Variants in LRPAP1 observed in about 807,000 individuals in gnomAD.
LRPAP1 encodes LDL receptor related protein associated protein 1.
Under a neutral mutation model 39.9 loss-of-function variants are expected in LRPAP1, and 41 were observed. That is an observed-to-expected ratio of 1.03 (90% CI 0.80 to 1.33). LRPAP1 has a LOEUF of 1.33. Among genes scored for constraint, LRPAP1 ranks in the 40% most tolerant of loss-of-function variants. LRPAP1 has a pLI of 0.00. For synonymous variants in LRPAP1, 263 were observed against 212.7 expected (o/e 1.24, Z -2.06); for missense variants, 565 against 482.3 (o/e 1.17, Z -1.61).
chr4:3,528,335 A>G (rs1730141808), intron 1 of LRPAP1, among the ~76,000 whole-genome samples: 1 of 152,188 alleles, frequency 6.6e-6, no homozygotes, highest in Non-Finnish European at 1.5e-5. Context: ...AGCAGAGCCG[A>G]CCGTGTCCTC....
In LRPAP1 at chr4:3,514,114, A is replaced by G. The variant is rs3789740; in HGVS notation, c.1011+638T>C. The stretch of plus-strand genomic sequence containing the variant: ...GCTCCTGCCCACGGGCAAGGGCCAC[A>G]GGCTGCTCTCCTGCACATTCTGCCA... On this transcript the variant is annotated intron_variant, in intron 7 of 7. Transcript: ENST00000650182. 5.3e-5 allele frequency among the ~76,000 whole-genome samples: 8 copies of G among 152,376 alleles called. No homozygotes were observed. In the East Asian group the frequency reaches 1.5e-3, roughly 29 times the overall value.
chr4:3,516,162 A>G lies in LRPAP1; in HGVS notation c.788T>C (p.Leu263Pro), dbSNP rs1015355987. 6.3e-7 allele frequency: 1 copy of G among 1,581,960 alleles called. No individual in the cohort carries two copies. The highest frequency in any genetic ancestry group is 1.3e-5 in the African/African-American group (1 of 74,676). Residue 263 changes from leucine (L) to proline (P), a missense_variant, in exon 6 of 8, where the codon CTG becomes CCG. Leu to Pro is a moderately conservative substitution (Grantham distance 98). Transcript: ENST00000650182. The part of the protein sequence containing the change: ...EEPRVIDLWD[L>P]AQSANLTDKE... ...GTCCGTGAGGTTGGCGGACTGCGCCAGGTCCCACAGGTCAATCACCCTGGG... is the reference window on the plus strand; with the variant it reads ...GTCCGTGAGGTTGGCGGACTGCGCCGGGTCCCACAGGTCAATCACCCTGGG...
chr4:3,523,386 C>T (rs1328776602), intron 2 of LRPAP1, among the ~76,000 whole-genome samples: 3 of 152,220 alleles, frequency 2.0e-5, no homozygotes, highest in South Asian at 2.1e-4. Context: ...TCCCTGCCGC[C>T]GTATCTTGGC....
In LRPAP1 at chr4:3,512,311, G is replaced by C. The variant is rs942788413; in HGVS notation, c.*663C>G. On this transcript the variant is annotated 3_prime_UTR_variant, in exon 8 of 8. Transcript: ENST00000650182. ...GGTCTCCCGAGGTCCCTGAGCTGCA[G>C]AGGTGAGAGTTGAAAGACGCTGCCC... The C allele has an allele frequency of 6.6e-6, 1 of 152,530 alleles. No homozygotes were observed. The highest frequency in any genetic ancestry group is 1.5e-5 in the Non-Finnish European group (1 of 68,256). The allele number at this position is 152,530 out of a possible 1,614,324, so 9.4% of individuals were successfully genotyped here.
chr4:3,532,168 C>T, intron 1 of LRPAP1, 41 bp downstream of exon 1: 1 of 1,543,264 alleles, frequency 6.5e-7, no homozygotes, highest in Non-Finnish European at 8.8e-7. Context: ...CCACGGCCCC[C>T]GCCCCCAGGC....
chr4:3,518,851 G>C lies in LRPAP1; in HGVS notation c.592+20C>G, dbSNP rs1243855352. ...GAGGGGGTGGGGCAGAGGGCAGGAGGGGGTGGGGGCGGGGGGCACCTTCGG... is the reference window on the plus strand; with the variant it reads ...GAGGGGGTGGGGCAGAGGGCAGGAGCGGGTGGGGGCGGGGGGCACCTTCGG... On this transcript the variant is annotated intron_variant, in intron 4 of 7. Coordinates refer to ENST00000650182, the MANE Select transcript of LRPAP1 (RefSeq NM_002337.4). The C allele has an allele frequency of 2.0e-6, 3 of 1,509,616 alleles. No individual in the cohort carries two copies. Among genetic ancestry groups the C allele is most frequent in the South Asian group, 1.2e-5 (1 of 81,304 alleles). The allele number at this position is 1,509,616 out of a possible 1,614,324, so 93.5% of individuals were successfully genotyped here. A position where few individuals can be genotyped will look rare whatever the true frequency, so the allele number is the denominator to read the frequency against.
intron 1 of LRPAP1, among the ~76,000 whole-genome samples, chr4:3,530,039 G>A (rs1239126681): frequency 1.3e-5 from 2 of 152,172 alleles, no homozygotes; most frequent in African/African-American, 2.4e-5. Context: ...CCAAGACCCC[G>A]TCTCCGTCTG....
chr4:3,508,652 T>C lies in LRPAP1; in HGVS notation c.*4322A>G, dbSNP rs1729423679. 6.6e-6 allele frequency: 1 copy of C among 152,096 alleles called. No homozygotes were observed. The highest frequency in any genetic ancestry group is 1.5e-5 in the Non-Finnish European group (1 of 68,034). 9.4% of individuals were successfully genotyped at this position (152,096 alleles called of 1,614,324 possible). Reference sequence around the variant, plus strand: ...GGAAATGCCAGGTCATCTTGGCATATGAAAGTCAGCGTAATTCACTACAGT... The same window carrying C: ...GGAAATGCCAGGTCATCTTGGCATACGAAAGTCAGCGTAATTCACTACAGT... On this transcript the variant is annotated 3_prime_UTR_variant, in exon 8 of 8. Coordinates refer to ENST00000650182, the MANE Select transcript of LRPAP1 (RefSeq NM_002337.4).
rs1454418436 is a variant in LRPAP1 at position 3,512,650 on chromosome 4, C to T, written c.*324G>A. On this transcript the variant is annotated 3_prime_UTR_variant, in exon 8 of 8. Coordinates refer to ENST00000650182, the MANE Select transcript of LRPAP1 (RefSeq NM_002337.4). ...GATGTGTAAGATTTTTTATGTAAAT[C>T]GTGTTGTTTTAGCAGAGGACTATCA... The T allele has an allele frequency of 6.1e-6, 2 of 329,896 alleles. No homozygotes were observed. Among genetic ancestry groups the T allele is most frequent in the Non-Finnish European group, 1.1e-5 (2 of 179,094 alleles). The allele number at this position is 329,896 out of a possible 1,614,324, so 20.4% of individuals were successfully genotyped here.
At chr4:3,523,475 G>A (rs149185138) in intron 2 of LRPAP1, among the ~76,000 whole-genome samples, 9 of 152,320 alleles carry the variant, frequency 5.9e-5, no homozygotes, top group East Asian at 1.9e-4. Flanking sequence ...TAACCCGGGC[G>A]CAGCCACATG....
At chr4:3,530,744 C>T (rs1423848163) in intron 1 of LRPAP1, among the ~76,000 whole-genome samples, 1 of 152,192 alleles carries the variant, frequency 6.6e-6, no homozygotes, top group Non-Finnish European at 1.5e-5. Flanking sequence ...CCTGGGCTGA[C>T]AAAGACAGAG....
chr4:3,530,964 C>T (rs748534112), intron 1 of LRPAP1, among the ~76,000 whole-genome samples: 27 of 152,202 alleles, frequency 1.8e-4, no homozygotes, highest in Non-Finnish European at 2.5e-4. Flanking sequence ...TCAACAGATG[C>T]CCAGTGCAGT....
intron 1 of LRPAP1, among the ~76,000 whole-genome samples, chr4:3,526,913 G>A (rs1369083903): frequency 6.6e-6 from 1 of 152,208 alleles, no homozygotes; most frequent in Non-Finnish European, 1.5e-5. Flanking sequence ...CACCCTCCAG[G>A]AGTTTAAAAT....
At position 3,513,889 on chromosome 4, in the gene LRPAP1, C is replaced by G. The variant is rs189051221; in HGVS notation, c.1012-853G>C. ...GAAGCCCGTGGCTCAGGGTGAATAA[C>G]TCACCGAAGGTCCCTTCTCTCAGCG... On this transcript the variant is annotated intron_variant, in intron 7 of 7. Transcript: ENST00000650182. Among the ~76,000 whole-genome samples, 22 of 152,390 alleles carry G rather than the reference C, an allele frequency of 1.4e-4. No homozygotes were observed. The East Asian group carries it at 3.9e-3, about 27-fold the overall frequency.
rs970161625 is a variant in LRPAP1, at chr4:3,532,251, G to A, written c.162C>T (p.Phe54=). ...PSPKRESGEE[F]RMEKLNQLWE... ...ACAGCTGGTTCAACTTCTCCATGCGGAACTCCTCTCCGGACTCGCGTTTCG... is the reference window on the plus strand; with the variant it reads ...ACAGCTGGTTCAACTTCTCCATGCGAAACTCCTCTCCGGACTCGCGTTTCG... The change falls in exon 1 of 8, where the codon TTC becomes TTT. Residue 54 remains phenylalanine, a synonymous_variant. Coordinates refer to ENST00000650182, the MANE Select transcript of LRPAP1 (RefSeq NM_002337.4). 386 of 1,552,226 alleles carry A rather than the reference G, an allele frequency of 2.5e-4. No individual in the cohort carries two copies. The highest frequency in any genetic ancestry group is 3.3e-4 in the Non-Finnish European group (376 of 1,147,516).
At chr4:3,531,765 G>C (rs977399770) in intron 1 of LRPAP1, among the ~76,000 whole-genome samples, 8 of 152,234 alleles carry the variant, frequency 5.3e-5, no homozygotes, top group Non-Finnish European at 1.0e-4. Context: ...GAACAAGCAC[G>C]GGCTTGCTAC....
At chr4:3,531,800 C>A (rs1450984201) in intron 1 of LRPAP1, among the ~76,000 whole-genome samples, 3 of 152,250 alleles carry the variant, frequency 2.0e-5, no homozygotes, top group African/African-American at 4.8e-5. Flanking sequence ...TCCCTGGACA[C>A]GTCTTTCTAC....
At position 3,505,615 on chromosome 4, in the gene LRPAP1, A is replaced by G. The variant is rs558712603; in HGVS notation, c.*7359T>C. ...GCCCACACGCCTCCTGAGCACCACT[A>G]CCAGCTACCCCAAGCCCGTCTATAC... On this transcript the variant is annotated 3_prime_UTR_variant, in exon 8 of 8. Transcript: ENST00000650182. Among the ~76,000 whole-genome samples, 10 of 151,838 alleles carry G rather than the reference A, an allele frequency of 6.6e-5. No individual in the cohort carries two copies.
At chr4:3,519,089 C>T (rs1222493117) in intron 3 of LRPAP1, 98 bp from the exon 4 acceptor site, 7 of 1,533,976 alleles carry the variant, frequency 4.6e-6, no homozygotes, top group Non-Finnish European at 6.1e-6. Flanking sequence ...CAGGCCCTTG[C>T]CTACGTGAGT....
Sources: allele counts gnomAD v4.1 joint callset (sites outside exome capture counted in the v4.1 genomes callset), GRCh38; gene constraint gnomAD v4.1.1; transcripts MANE v1.5; gene names NCBI Gene and HGNC (gene_info 2026-07-23, HGNC 2026-07-21).